Variants in COL4A5 observed in about 807,000 individuals in gnomAD.
COL4A5 encodes the protein collagen type IV alpha 5 chain.
In COL4A5, 26 loss-of-function variants were observed where a neutral mutation model predicts 130.2. The ratio of observed to expected loss-of-function variants is 0.20; its 90% CI spans 0.15 to 0.28. The LOEUF (loss-of-function observed/expected upper bound fraction) is 0.28. Ranked by LOEUF, COL4A5 falls within the 10% of genes least tolerant of loss-of-function variation. The pLI is 1.00. For synonymous variants in COL4A5, 496 were observed against 439.6 expected (o/e 1.13, Z -1.60); for missense variants, 1,131 against 1,344.3 (o/e 0.84, Z 2.48).
chrX:108,562,159 A>G (rs1185321596), intron 3 of COL4A5, among the ~76,000 whole-genome samples: 1 of 112,028 alleles, frequency 8.9e-6, no homozygotes, highest in Non-Finnish European at 1.9e-5. Flanking sequence ...ACCAGCTTGG[A>G]CTACACTGTC....
intron 1 of COL4A5, among the ~76,000 whole-genome samples, chrX:108,458,607 T>C (rs1473927927): frequency 1.8e-5 from 2 of 111,902 alleles, no homozygotes; most frequent in Admixed American, 9.5e-5. Context: ...ATTTAATCTA[T>C]AGGTCATTTT....
chrX:108,499,425 T>C (rs965479011), intron 1 of COL4A5, among the ~76,000 whole-genome samples: 2 of 111,560 alleles, frequency 1.8e-5, no homozygotes, highest in Non-Finnish European at 3.8e-5. Context: ...TTGTGTATAA[T>C]TACATTTTCT....
At chrX:108,576,067 AT>A (rs2066144932) in intron 10 of COL4A5, 95 bp downstream of exon 10, 4 of 536,494 alleles carry the variant, frequency 7.5e-6, no homozygotes, top group Admixed American at 3.2e-5. Context: ...AACATAATGC[AT>A]TCTCAACATT....
At chrX:108,672,607 G>A (rs1328677597) in intron 42 of COL4A5, among the ~76,000 whole-genome samples, 1 of 111,648 alleles carries the variant, frequency 9.0e-6, no homozygotes, top group Non-Finnish European at 1.9e-5. Context: ...TTGTTACACA[G>A]TTGAAAAATA....
intron 37 of COL4A5, among the ~76,000 whole-genome samples, chrX:108,657,277 T>C (rs1206755688): frequency 9.0e-6 from 1 of 111,289 alleles, no homozygotes; most frequent in Non-Finnish European, 1.9e-5. Flanking sequence ...TCCAATAAAT[T>C]ACAGTCACAC....
At chrX:108,513,215 G>A (rs189941395) in intron 1 of COL4A5, among the ~76,000 whole-genome samples, 3 of 110,769 alleles carry the variant, frequency 2.7e-5, no homozygotes, top group South Asian at 3.9e-4. Flanking sequence ...GGAGAATGGC[G>A]TGAACCCAGG....
At chrX:108,494,196 T>C (rs979544518) in intron 1 of COL4A5, among the ~76,000 whole-genome samples, 4 of 111,685 alleles carry the variant, frequency 3.6e-5, no homozygotes, top group African/African-American at 1.3e-4. Context: ...TCTAGCATTA[T>C]TGAGACTGAA....
Position 108,461,742 on chromosome X carries a change from C to T in COL4A5, c.81+21536C>T, listed in dbSNP as rs202194103. On this transcript the variant is annotated intron_variant, in intron 1 of 52. Transcript: ENST00000328300. The stretch of plus-strand genomic sequence containing the variant: ...CCAAGTAGCTGGGATTACAGGCATG[C>T]GCCACTACCCCCGGCTAATTTTTTG... Among the ~76,000 whole-genome samples, 31 of 110,655 alleles carry T rather than the reference C, an allele frequency of 2.8e-4. 1 individual carries two copies. The East Asian group carries it at 7.4e-3, about 26-fold the overall frequency.
intron 19 of COL4A5, among the ~76,000 whole-genome samples, chrX:108,590,222 A>C (rs2147795086): frequency 9.0e-6 from 1 of 111,536 alleles, no homozygotes; most frequent in Non-Finnish European, 1.9e-5. Context: ...CCCAGAACTT[A>C]AAGAGAATAT....
At chrX:108,566,069 C>T in intron 4 of COL4A5, among the ~76,000 whole-genome samples, 1 of 104,763 alleles carries the variant, frequency 9.5e-6, no homozygotes, top group Non-Finnish European at 1.9e-5. Context: ...ATTTCCCTGT[C>T]AACTTTGACT....
rs1012538268 is a variant in COL4A5 at position 108,697,243 on chromosome X, A to G, written c.*865A>G. 3.6e-5 allele frequency: 4 copies of G among 110,663 alleles called. No individual in the cohort carries two copies. The highest frequency in any genetic ancestry group is 7.5e-5 in the Non-Finnish European group (4 of 52,992). 9.1% of individuals were successfully genotyped at this position (110,663 alleles called of 1,213,427 possible). A position where few individuals can be genotyped will look rare whatever the true frequency, so the allele number is the denominator to read the frequency against. On this transcript the variant is annotated 3_prime_UTR_variant, in exon 53 of 53. Coordinates refer to ENST00000328300, the MANE Select transcript of COL4A5 (RefSeq NM_033380.3). ...CTTGTTTTTACTCATTTCTGACTGGACAAAGTTCTTCCAAACAATTCTGAG... is the reference window on the plus strand; with the variant it reads ...CTTGTTTTTACTCATTTCTGACTGGGCAAAGTTCTTCCAAACAATTCTGAG...
Position 108,626,264 on chromosome X carries a change from G to A in COL4A5, c.3161G>A (p.Gly1054Asp), listed in dbSNP as rs1409413604. The change falls in exon 36 of 53, where the codon GGC (glycine) becomes GAC (aspartate). Residue 1054 changes from glycine to aspartate, a missense_variant. Coordinates refer to ENST00000328300, the MANE Select transcript of COL4A5 (RefSeq NM_033380.3). The part of the protein sequence containing the change: ...PGPSGVPGQP[G>D]SPGLPGQKGD... ...CCTTCTGGAGTTCCTGGACAACCTG[G>A]CTCCCCAGGATTACCTGGACAGAAA... is the stretch of plus-strand genomic sequence containing the variant. 8.3e-7 allele frequency: 1 copy of A among 1,210,256 alleles called. No homozygotes were observed. The highest frequency in any genetic ancestry group is 1.1e-6 in the Non-Finnish European group (1 of 894,568).
intron 1 of COL4A5, among the ~76,000 whole-genome samples, chrX:108,538,833 G>A (rs1031297226): frequency 8.0e-5 from 9 of 111,854 alleles, no homozygotes; most frequent in Non-Finnish European, 1.7e-4. Context: ...AATGGCAGAA[G>A]TCACATACTG....
intron 1 of COL4A5, among the ~76,000 whole-genome samples, chrX:108,511,444 C>A (rs1378699784): frequency 9.0e-6 from 1 of 111,610 alleles, no homozygotes; most frequent in African/African-American, 3.3e-5. Context: ...GGTTTCTTTG[C>A]AGAAATATGA....
At chrX:108,546,092 C>T (rs1018223240) in intron 2 of COL4A5, among the ~76,000 whole-genome samples, 1 of 111,918 alleles carries the variant, frequency 8.9e-6, no homozygotes, top group African/African-American at 3.3e-5. Flanking sequence ...TTAATTGGAA[C>T]ATTCAGCCCA....
chrX:108,490,172 A>G (rs1300252338), intron 1 of COL4A5, among the ~76,000 whole-genome samples: 1 of 111,895 alleles, frequency 8.9e-6, no homozygotes, highest in African/African-American at 3.2e-5. Flanking sequence ...CAATTTTATT[A>G]CCTATATATG....
intron 1 of COL4A5, among the ~76,000 whole-genome samples, chrX:108,490,692 G>T (rs1167455835): frequency 9.0e-6 from 1 of 110,938 alleles, no homozygotes; most frequent in Non-Finnish European, 1.9e-5. Flanking sequence ...GTGAAGGTTT[G>T]TTACACAGGT....
chrX:108,532,955 G>A lies in COL4A5; in HGVS notation c.82-6791G>A, dbSNP rs765929592. 9.0e-5 allele frequency among the ~76,000 whole-genome samples: 10 copies of A among 111,545 alleles called. No individual in the cohort carries two copies. In the East Asian group the frequency reaches 2.5e-3, roughly 28 times the overall value. On this transcript the variant is annotated intron_variant, in intron 1 of 52. Transcript: ENST00000328300. Reference sequence around the variant, plus strand: ...AAGAATTAATATTGTTAAAGTCATCGTATTGCCCAAAGGAATCTATACATT... The same window carrying A: ...AAGAATTAATATTGTTAAAGTCATCATATTGCCCAAAGGAATCTATACATT...
intron 30 of COL4A5, among the ~76,000 whole-genome samples, chrX:108,619,516 T>G (rs1201905608): frequency 3.6e-5 from 4 of 111,744 alleles, no homozygotes; most frequent in Admixed American, 9.6e-5. Flanking sequence ...CACCTTGCTT[T>G]TGGGGGAAAA....
Sources: allele counts gnomAD v4.1 joint callset (sites outside exome capture counted in the v4.1 genomes callset), GRCh38; gene constraint gnomAD v4.1.1; transcripts MANE v1.5; gene names NCBI Gene and HGNC (gene_info 2026-07-23, HGNC 2026-07-21).